The following RUFY2 variants were observed in gnomAD, a reference collection of about 807,000 sequenced individuals.
RUFY2 encodes the protein RUN and FYVE domain containing 2.
A neutral mutation model predicts 94.4 loss-of-function variants in RUFY2; 49 were observed. That is an observed-to-expected ratio of 0.52 (90% CI 0.41 to 0.66). The LOEUF is 0.66. Among genes scored for constraint, RUFY2 ranks in the 30% least tolerant of loss-of-function variants. The probability of loss-of-function intolerance (pLI) is 0.00; values close to 1 mark genes in which losing one functional copy is unlikely to be tolerated. For synonymous variants in RUFY2, 255 were observed against 235.7 expected (o/e 1.08, Z -0.75); for missense variants, 541 against 692.8 (o/e 0.78, Z 2.46).
chr10:68,345,909 G>C lies in RUFY2; in HGVS notation c.1680C>G (p.His560Gln). The C allele has an allele frequency of 6.2e-7, 1 of 1,613,858 alleles. No individual in the cohort carries two copies. Among genetic ancestry groups the C allele is most frequent in the Non-Finnish European group, 8.5e-7 (1 of 1,179,954 alleles). Reference sequence around the variant, plus strand: ...AAATTTCCCCACAATTTCTACAGTGGTGCTATTAAACAGAAAAATCAGAGG... The same window carrying C: ...AAATTTCCCCACAATTTCTACAGTGCTGCTATTAAACAGAAAAATCAGAGG... ...EKEFSLSKRK[H>Q]HCRNCGEIFC... The change falls in exon 18 of 18, where the codon CAC becomes CAG. Residue 560 changes from histidine (H) to glutamine (Q), a missense_variant and splice_region_variant. By Grantham distance (24) the His-to-Gln change is conservative. This residue lies in a region of RUFY2 where 403 missense variants were observed against 480.7 expected (regional missense o/e 0.84). Transcript: ENST00000602465.
intron 15 of RUFY2, among the ~76,000 whole-genome samples, chr10:68,358,771 A>T (rs2047226823): frequency 6.6e-6 from 1 of 151,878 alleles, no homozygotes; most frequent in Non-Finnish European, 1.5e-5. Context: ...ATTAGCCGGG[A>T]GTGATGGCAC....
chr10:68,354,255 C>A (rs540343869), intron 16 of RUFY2, among the ~76,000 whole-genome samples: 1 of 152,150 alleles, frequency 6.6e-6, no homozygotes, highest in Non-Finnish European at 1.5e-5. Flanking sequence ...AGGCTCCCTG[C>A]AGCCTCGACC....
intron 15 of RUFY2, among the ~76,000 whole-genome samples, chr10:68,358,913 GC>G (rs2047239271): frequency 6.6e-6 from 1 of 152,042 alleles, no homozygotes; most frequent in Admixed American, 6.6e-5. Context: ...TCGGTCTTAT[GC>G]CCGGCCTAGG....
chr10:68,396,074 C>G (rs1309973547), intron 4 of RUFY2, among the ~76,000 whole-genome samples: 1 of 152,250 alleles, frequency 6.6e-6, no homozygotes, highest in Non-Finnish European at 1.5e-5. Context: ...TCTCAGGTCA[C>G]TGCAACCTCC....
chr10:68,350,431 C>T (rs1450072025), intron 16 of RUFY2, among the ~76,000 whole-genome samples: 1 of 152,180 alleles, frequency 6.6e-6, no homozygotes, highest in Non-Finnish European at 1.5e-5. Context: ...TTTAGGACAG[C>T]TGTTCTAGAC....
intron 13 of RUFY2, among the ~76,000 whole-genome samples, chr10:68,366,087 G>T (rs1009798087): frequency 3.3e-5 from 5 of 152,064 alleles, no homozygotes; most frequent in Non-Finnish European, 7.4e-5. Context: ...AAAACTTTGG[G>T]AGGCCAAAGC....
chr10:68,374,242 C>T (rs575409610), intron 13 of RUFY2, among the ~76,000 whole-genome samples: 1 of 151,384 alleles, frequency 6.6e-6, no homozygotes, highest in African/African-American at 2.4e-5. Flanking sequence ...GCAAGACTAG[C>T]CTGGGCAGCA....
chr10:68,386,116 G>A lies in RUFY2; in HGVS notation c.663C>T (p.Ser221=). Residue 221 remains serine (S), a synonymous_variant, in exon 8 of 18, where the codon AGC becomes AGT. Transcript: ENST00000602465. ...ATGAATCAACTCTTGAATGGAGGCT[G>A]CTGACTGTGCTGCTGAAATTAAGAA... The part of the protein sequence containing the change: ...ELNRQLNSTV[S]SLHSRVDSLE... The A allele has an allele frequency of 6.2e-7, 1 of 1,610,160 alleles. No individual in the cohort carries two copies.
intron 16 of RUFY2, among the ~76,000 whole-genome samples, chr10:68,348,010 TCA>T (rs538947514): frequency 1.3e-5 from 2 of 152,174 alleles, no homozygotes; most frequent in Non-Finnish European, 2.9e-5. Flanking sequence ...TCTTTTTGTT[TCA>T]CAGTCTTAAT....
intron 2 of RUFY2, among the ~76,000 whole-genome samples, 178 bp from the exon 3 acceptor site, chr10:68,401,915 C>A (rs571802606): frequency 3.9e-5 from 6 of 152,244 alleles, no homozygotes; most frequent in African/African-American, 1.4e-4. Flanking sequence ...TCCTGTTGCC[C>A]ATCCTGCTAT....
At chr10:68,387,662 G>A (rs145732328) in intron 7 of RUFY2, among the ~76,000 whole-genome samples, 25 of 152,250 alleles carry the variant, frequency 1.6e-4, no homozygotes, top group African/African-American at 4.1e-4. Context: ...TCTAGGAGAC[G>A]TAAGACCAAG....
chr10:68,404,814 GCT>G lies in RUFY2; in HGVS notation c.33_34del (p.Arg11SerfsTer8). On this transcript the variant is annotated frameshift_variant, in exon 2 of 18. Coordinates refer to ENST00000602465, the MANE Select transcript of RUFY2 (RefSeq NM_001330103.2). LOFTEE classifies it high-confidence loss of function. ...CAGTTTAGCCATGTTTAACAAGTTT[GCT>G]CTCTCTACAGCTGTGGGGTCTTTTG... 6.2e-7 allele frequency: 1 copy of G among 1,610,234 alleles called. No individual in the cohort carries two copies. Among genetic ancestry groups the G allele is most frequent in the Non-Finnish European group, 8.5e-7 (1 of 1,178,408 alleles).
chr10:68,405,027 A>C (rs548279539), intron 1 of RUFY2, among the ~76,000 whole-genome samples, 183 bp from the exon 2 acceptor site: 2 of 152,212 alleles, frequency 1.3e-5, no homozygotes, highest in South Asian at 4.1e-4. Context: ...ACTGTAAAAA[A>C]TTTCCGGCCA....
intron 12 of RUFY2, 41 bp from the exon 13 acceptor site, chr10:68,377,013 G>C: frequency 6.2e-7 from 1 of 1,611,442 alleles, no homozygotes. Context: ...ACTGAGGCTA[G>C]AACTAGGGTG....
intron 15 of RUFY2, among the ~76,000 whole-genome samples, chr10:68,359,401 CATATAT>C (rs964537586): frequency 6.8e-6 from 1 of 146,320 alleles, no homozygotes; most frequent in East Asian, 2.0e-4. Context: ...CGTATATATA[CATATAT>C]AAATATGTGT....
At chr10:68,364,753 C>G (rs892879571) in intron 13 of RUFY2, among the ~76,000 whole-genome samples, 1 of 151,014 alleles carries the variant, frequency 6.6e-6, no homozygotes, top group African/African-American at 2.4e-5. Flanking sequence ...CAGGGTCTTG[C>G]TATGTTGCCA....
chr10:68,377,456 G>T (rs1266460690), intron 12 of RUFY2: 108 of 993,202 alleles, frequency 1.1e-4, no homozygotes, highest in Non-Finnish European at 1.2e-4. Flanking sequence ...TACTCCAAAT[G>T]ATAGCCAAGT....
chr10:68,403,314 C>G (rs1443079726), intron 2 of RUFY2, among the ~76,000 whole-genome samples: 1 of 149,822 alleles, frequency 6.7e-6, no homozygotes, highest in African/African-American at 2.5e-5. Context: ...TGCAGTGGCA[C>G]GATCTCAGCT....
Position 68,357,395 on chromosome 10 carries a change from A to AT in RUFY2, c.1551-1995dup, listed in dbSNP as rs559495745. Among the ~76,000 whole-genome samples the AT allele has an allele frequency of 4.4e-3, 669 of 151,800 alleles. 42 individuals carry two copies. Among genetic ancestry groups the AT allele is most frequent in the Admixed American group, 0.042 (632 of 15,214 alleles). On this transcript the variant is annotated intron_variant, in intron 15 of 17. Transcript: ENST00000602465. ...AGGCAGTTGTCACCACACCCAGCTA[A>AT]TTTTTGTATTTTTAGTAGAGACGGG...
Sources: gnomAD v4.1 joint callset for allele counts (sites outside exome capture counted in the v4.1 genomes callset) on GRCh38, gnomAD v4.1.1 for gene constraint, gnomAD v4.1.1 regional missense constraint, MANE v1.5 for transcripts, NCBI Gene and HGNC (gene_info 2026-07-23, HGNC 2026-07-21) for gene names.